Variants in XPNPEP2 observed in about 807,000 individuals in gnomAD.
The protein encoded by XPNPEP2 is xaa-Pro aminopeptidase 2.
In XPNPEP2, 64 loss-of-function variants were observed where a neutral mutation model predicts 59.8. That is an observed-to-expected ratio of 1.07 (90% CI 0.87 to 1.32). The LOEUF (loss-of-function observed/expected upper bound fraction) is 1.32. Among genes scored for constraint, XPNPEP2 ranks in the 40% most tolerant of loss-of-function variants. The probability of loss-of-function intolerance (pLI) is 0.00; values close to 1 mark genes in which losing one functional copy is unlikely to be tolerated. For synonymous variants in XPNPEP2, 235 were observed against 210.0 expected (o/e 1.12, Z -1.03); for missense variants, 575 against 546.8 (o/e 1.05, Z -0.51).
chrX:129,757,023 T>TATATATATATATATAC (rs1491537516), intron 14 of XPNPEP2, among the ~76,000 whole-genome samples: 13 of 77,718 alleles, frequency 1.7e-4, no homozygotes, highest in East Asian at 1.1e-3. Context: ...TATATATATA[T>TATATATATATATATAC]ACACACACAC....
intron 1 of XPNPEP2, 145 bp downstream of exon 1, chrX:129,739,407 T>C (rs761880585): frequency 1.8e-6 from 1 of 555,214 alleles, no homozygotes; most frequent in African/African-American, 2.3e-5. Flanking sequence ...TCAGGGCCAG[T>C]GTTGGGGGCC....
intron 17 of XPNPEP2, among the ~76,000 whole-genome samples, chrX:129,761,480 A>G (rs948540513): frequency 8.9e-6 from 1 of 111,752 alleles, no homozygotes; most frequent in African/African-American, 3.3e-5. Context: ...GGGCACCAGA[A>G]AGAGGGTCAA....
chrX:129,761,340 G>A lies in XPNPEP2; in HGVS notation c.1603+64G>A, dbSNP rs767857008. The A allele has an allele frequency of 1.9e-4, 184 of 959,818 alleles. No homozygotes were observed. In the African/African-American group the frequency reaches 2.8e-3, roughly 14 times the overall value. The allele number at this position is 959,818 out of a possible 1,213,427, so 79.1% of individuals were successfully genotyped here. A position where few individuals can be genotyped will look rare whatever the true frequency, so the allele number is the denominator to read the frequency against. ...TTATTATACCCTCTATGAAGGTAGA[G>A]AATTTCACAGGTATGGAAATGACAA... is the stretch of plus-strand genomic sequence containing the variant. On this transcript the variant is annotated intron_variant, in intron 17 of 20. Coordinates refer to ENST00000371106, the MANE Select transcript of XPNPEP2 (RefSeq NM_003399.6).
intron 14 of XPNPEP2, 116 bp from the exon 15 acceptor site, chrX:129,759,064 C>G: frequency 1.2e-6 from 1 of 859,642 alleles, no homozygotes; most frequent in South Asian, 2.1e-5. Context: ...TGTCTTCTTC[C>G]TTTCGCCGTC....
intron 14 of XPNPEP2, 135 bp from the exon 15 acceptor site, chrX:129,759,045 T>G: frequency 2.9e-6 from 2 of 693,355 alleles, no homozygotes; most frequent in Admixed American, 5.5e-5. Context: ...GGATTTTGAT[T>G]ATGGTAGCTG....
At position 129,768,824 on chromosome X, in the gene XPNPEP2, C is replaced by T. The variant is rs956358756; in HGVS notation, c.*339C>T. 16 of 149,366 alleles carry T rather than the reference C, an allele frequency of 1.1e-4. No individual in the cohort carries two copies. The highest frequency in any genetic ancestry group is 6.8e-4 in the South Asian group (2 of 2,962). 12.3% of individuals were successfully genotyped at this position (149,366 alleles called of 1,213,427 possible). On this transcript the variant is annotated 3_prime_UTR_variant, in exon 21 of 21. Coordinates refer to ENST00000371106, the MANE Select transcript of XPNPEP2 (RefSeq NM_003399.6). ...CTAGCACAGACTGCTACAGCTGCTCCCCTCCCGCCAAACAAAACCCCAAGA... is the reference window on the plus strand; with the variant it reads ...CTAGCACAGACTGCTACAGCTGCTCTCCTCCCGCCAAACAAAACCCCAAGA...
chrX:129,758,453 C>T (rs1475876666), intron 14 of XPNPEP2, among the ~76,000 whole-genome samples: 3 of 111,527 alleles, frequency 2.7e-5, no homozygotes, highest in African/African-American at 9.8e-5. Flanking sequence ...CTCCCCTCTC[C>T]CTCACCAAGG....
intron 8 of XPNPEP2, 28 bp downstream of exon 8, chrX:129,750,597 G>T: frequency 8.8e-7 from 1 of 1,135,403 alleles, no homozygotes; most frequent in East Asian, 3.2e-5. Flanking sequence ...GACATGGGTG[G>T]GCGCCTGGGT....
intron 20 of XPNPEP2, among the ~76,000 whole-genome samples, chrX:129,768,070 C>T (rs763022230): frequency 3.6e-5 from 4 of 111,399 alleles, no homozygotes; most frequent in Non-Finnish European, 5.7e-5. Context: ...ATCTACCCAC[C>T]CCACCGCCCA....
intron 7 of XPNPEP2, among the ~76,000 whole-genome samples, chrX:129,748,374 A>C (rs1006489003): frequency 8.9e-6 from 1 of 112,439 alleles, no homozygotes; most frequent in Non-Finnish European, 1.9e-5. Flanking sequence ...GTATGTTGTA[A>C]GATTCCTGTA....
At chrX:129,757,061 T>TACACACAC (rs1325338252) in intron 14 of XPNPEP2, among the ~76,000 whole-genome samples, 1 of 85,681 alleles carries the variant, frequency 1.2e-5, no homozygotes, top group African/African-American at 5.8e-5. Context: ...CACACATATA[T>TACACACAC]ATACACACAC....
At chrX:129,762,598 A>C (rs1926678343) in intron 18 of XPNPEP2, 96 bp from the exon 19 acceptor site, 1 of 788,547 alleles carries the variant, frequency 1.3e-6, no homozygotes, top group Admixed American at 2.4e-5. Flanking sequence ...GGACAGCCAG[A>C]CAGCCAGTCC....
rs1926799340 is a variant in XPNPEP2 at position 129,768,688 on chromosome X, C to T, written c.*203C>T. On this transcript the variant is annotated 3_prime_UTR_variant, in exon 21 of 21. Coordinates refer to ENST00000371106, the MANE Select transcript of XPNPEP2 (RefSeq NM_003399.6). ...GCTTCTTGGCCCCAGATGGCACCTCCCTGCACCCCGGGGTTGTATACCACA... is the reference window on the plus strand; with the variant it reads ...GCTTCTTGGCCCCAGATGGCACCTCTCTGCACCCCGGGGTTGTATACCACA... 11 of 345,055 alleles carry T rather than the reference C, an allele frequency of 3.2e-5. No individual in the cohort carries two copies. The highest frequency in any genetic ancestry group is 4.9e-5 in the Non-Finnish European group (10 of 204,721). The allele number at this position is 345,055 out of a possible 1,213,427, so 28.4% of individuals were successfully genotyped here.
intron 3 of XPNPEP2, among the ~76,000 whole-genome samples, chrX:129,744,722 T>C (rs1926262682): frequency 8.9e-6 from 1 of 112,342 alleles, no homozygotes; most frequent in East Asian, 2.8e-4. Flanking sequence ...CAAAGAGAAA[T>C]GGGTCTGTAA....
intron 19 of XPNPEP2, among the ~76,000 whole-genome samples, chrX:129,766,827 T>C (rs1014303876): frequency 8.9e-6 from 1 of 111,789 alleles, no homozygotes; most frequent in Non-Finnish European, 1.9e-5. Context: ...TTGGGAAACT[T>C]ATAATCATGG....
At position 129,746,692 on chromosome X, in the gene XPNPEP2, C is replaced by T. The variant is rs746518629; in HGVS notation, c.490+11C>T. Reference sequence around the variant, plus strand: ...TCCTCTTGTCCATTGGTATGCTCTTCCTTCAGTCCCTGAATTTGTCCATGC... The same window carrying T: ...TCCTCTTGTCCATTGGTATGCTCTTTCTTCAGTCCCTGAATTTGTCCATGC... On this transcript the variant is annotated intron_variant, in intron 6 of 20. Coordinates refer to ENST00000371106, the MANE Select transcript of XPNPEP2 (RefSeq NM_003399.6). 9 of 1,194,743 alleles carry T rather than the reference C, an allele frequency of 7.5e-6. No homozygotes were observed. The South Asian group carries it at 1.6e-4, about 21-fold the overall frequency.
At position 129,752,429 on chromosome X, in the gene XPNPEP2, C is replaced by T. The variant is rs898193129; in HGVS notation, c.1017+84C>T. On this transcript the variant is annotated intron_variant, in intron 10 of 20. Coordinates refer to ENST00000371106, the MANE Select transcript of XPNPEP2 (RefSeq NM_003399.6). ...GTCTTAACCTAAAGTGAGGTGAAGC[C>T]CCTCAGCCATTCAGTCATCTGGTCA... is the stretch of plus-strand genomic sequence containing the variant. 1.1e-4 allele frequency: 108 copies of T among 1,021,388 alleles called. 1 individual carries two copies. Among genetic ancestry groups the T allele is most frequent in the Non-Finnish European group, 8.9e-5 (66 of 744,521 alleles). 84.2% of individuals were successfully genotyped at this position (1,021,388 alleles called of 1,213,427 possible).
rs139306342 is a variant in XPNPEP2 at position 129,759,942 on chromosome X, G to A, written c.1429-570G>A. The stretch of plus-strand genomic sequence containing the variant: ...CACCTCCCTCCGCTGACAGAGGAAG[G>A]CTAAGCTGCCAAGTCAGCAAACCTC... On this transcript the variant is annotated intron_variant, in intron 15 of 20. Coordinates refer to ENST00000371106, the MANE Select transcript of XPNPEP2 (RefSeq NM_003399.6). Among the ~76,000 whole-genome samples the A allele has an allele frequency of 2.7e-4, 30 of 112,285 alleles. No individual in the cohort carries two copies. The East Asian group carries it at 4.8e-3, about 18-fold the overall frequency.
At position 129,738,985 on chromosome X, in the gene XPNPEP2, C is replaced by A. The variant is rs762842374; in HGVS notation, c.-229C>A. ...TACACGACTAGGAACTTGCACAGTC[C>A]GCCTCGGGCAGCCCAAAGCTCCTCT... On this transcript the variant is annotated 5_prime_UTR_variant, in exon 1 of 21. Transcript: ENST00000371106. The A allele has an allele frequency of 1.2e-5, 5 of 420,885 alleles. No homozygotes were observed. In the South Asian group the frequency reaches 1.5e-4, roughly 12 times the overall value. The allele number at this position is 420,885 out of a possible 1,213,427, so 34.7% of individuals were successfully genotyped here.
Sources: gnomAD v4.1 joint callset for allele counts (sites outside exome capture counted in the v4.1 genomes callset) on GRCh38, gnomAD v4.1.1 for gene constraint, MANE v1.5 for transcripts, NCBI Gene and HGNC (gene_info 2026-07-23, HGNC 2026-07-21) for gene names.